LRCOL1: variants seen among roughly 807,000 people sequenced by gnomAD.
LRCOL1 encodes leucine-rich colipase-like protein 1.
LRCOL1 carries 21 observed loss-of-function variants against 21.6 expected under a neutral mutation model. That is an observed-to-expected ratio of 0.97 (90% CI 0.69 to 1.40). The LOEUF (loss-of-function observed/expected upper bound fraction) is 1.40. LRCOL1 is among the 40% of genes most tolerant of loss of function. The pLI is 0.00. For synonymous variants in LRCOL1, 98 were observed against 90.1 expected (o/e 1.09, Z -0.49); for missense variants, 198 against 202.3 (o/e 0.98, Z 0.13).
Position 132,603,198 on chromosome 12 carries a change from C to G in LRCOL1, c.*204G>C. On this transcript the variant is annotated 3_prime_UTR_variant, in exon 6 of 6. Transcript: ENST00000376608. ...TGATGTTTAACAATCAGGCTACACC[C>G]CAGTGCCTGGGATTTGTTCTCACAG... 1.4e-6 allele frequency: 1 copy of G among 690,206 alleles called. No individual in the cohort carries two copies. The highest frequency in any genetic ancestry group is 2.0e-5 in the South Asian group (1 of 49,828). 42.8% of individuals were successfully genotyped at this position (690,206 alleles called of 1,614,324 possible).
In LRCOL1 at chr12:132,604,696, C is replaced by A. The variant is rs926171953; in HGVS notation, c.231+10G>T. The A allele has an allele frequency of 1.3e-6, 2 of 1,535,114 alleles. No homozygotes were observed. The highest frequency in any genetic ancestry group is 2.7e-5 in the African/African-American group (2 of 73,168). On this transcript the variant is annotated intron_variant, in intron 3 of 5. Transcript: ENST00000376608. ...TCGCTCCTCCACCCCCGCCCCTGCA[C>A]GCACCTCACCTTCCTCCAGGGCAGG...
chr12:132,604,589 G>T lies in LRCOL1; in HGVS notation c.232-5C>A. On this transcript the variant is annotated splice_polypyrimidine_tract_variant and splice_region_variant and intron_variant, in intron 3 of 5. Transcript: ENST00000376608. ...CGAGCATCTGTACCCATTGGGCTAT[G>T]GGACAGGAGACGCGTCATCCCTGCA... The T allele has an allele frequency of 6.5e-7, 1 of 1,532,420 alleles. No individual in the cohort carries two copies. 94.9% of individuals were successfully genotyped at this position (1,532,420 alleles called of 1,614,324 possible).
Position 132,603,318 on chromosome 12 carries a change from C to T in LRCOL1, c.*84G>A, listed in dbSNP as rs1422086196. Reference sequence around the variant, plus strand: ...GCACAAACCGTAAGGGAAGCTTCCGCTGGAACCAGCCCCCGCGCAACGCGG... The same window carrying T: ...GCACAAACCGTAAGGGAAGCTTCCGTTGGAACCAGCCCCCGCGCAACGCGG... On this transcript the variant is annotated 3_prime_UTR_variant, in exon 6 of 6. Transcript: ENST00000376608. The T allele has an allele frequency of 6.6e-7, 1 of 1,523,378 alleles. No individual in the cohort carries two copies. The highest frequency in any genetic ancestry group is 1.4e-5 in the African/African-American group (1 of 72,708). The allele number at this position is 1,523,378 out of a possible 1,614,324, so 94.4% of individuals were successfully genotyped here.
At chr12:132,608,439 CT>C (rs1330808072) in intron 1 of LRCOL1, among the ~76,000 whole-genome samples, 2 of 152,248 alleles carry the variant, frequency 1.3e-5, no homozygotes, top group African/African-American at 2.4e-5. Context: ...TTAGATGCCC[CT>C]GGCACCTGAT....
rs1382808730 is a variant in LRCOL1 at position 132,606,179 on chromosome 12, C to T, written c.73G>A (p.Gly25Arg). The change falls in exon 2 of 6, where the codon GGG becomes AGG. Residue 25 changes from glycine to arginine, a missense_variant. Transcript: ENST00000376608. This position sits in a 1 kb window ranked among gnomAD's most constrained non-coding sequence, Gnocchi z 4.6. ...GACAGGTTCAACTTCTTCTGTGGCC[C>T]ATACCCTGCCATGGACCCCAGCAGC... is the stretch of plus-strand genomic sequence containing the variant. Reference protein sequence around the residue: ...LLLLGSMAGYGPQKKLNLSHK... With the variant: ...LLLLGSMAGYRPQKKLNLSHK... 16 of 1,536,400 alleles carry T rather than the reference C, an allele frequency of 1.0e-5. No homozygotes were observed. Among genetic ancestry groups the T allele is most frequent in the Non-Finnish European group, 1.3e-5 (15 of 1,146,932 alleles).
chr12:132,604,717 G>A lies in LRCOL1; in HGVS notation c.220C>T (p.Pro74Ser). Reference protein sequence around the residue: ...TPKTIFLQCLPWRKPNGYRCS... With the variant: ...TPKTIFLQCLSWRKPNGYRCS... ...TGCACGCACCTCACCTTCCTCCAGG[G>A]CAGGCACTGCAGGAAGATGGTCTTA... Residue 74 changes from proline to serine, a missense_variant, in exon 3 of 6, where the codon CCC becomes TCC. Pro to Ser is a moderately conservative substitution (Grantham distance 74). Transcript: ENST00000376608. 6.5e-7 allele frequency: 1 copy of A among 1,536,164 alleles called. No individual in the cohort carries two copies. The highest frequency in any genetic ancestry group is 1.2e-5 in the South Asian group (1 of 84,060).
chr12:132,609,097 G>A (rs977766578), intron 1 of LRCOL1, among the ~76,000 whole-genome samples: 3 of 152,160 alleles, frequency 2.0e-5, no homozygotes, highest in Non-Finnish European at 2.9e-5. Context: ...ACAATGGGAC[G>A]TCAGTGGTCC....
At chr12:132,603,469 G>A (rs773571356) in intron 5 of LRCOL1, 65 bp from the exon 6 acceptor site, 3 of 1,535,848 alleles carry the variant, frequency 2.0e-6, no homozygotes, top group Non-Finnish European at 2.6e-6. Context: ...CGCGGAAGGA[G>A]GACGGGAACC....
chr12:132,603,997 G>A (rs2041264377), intron 5 of LRCOL1: 3 of 1,334,478 alleles, frequency 2.2e-6, no homozygotes, highest in Non-Finnish European at 2.9e-6. Flanking sequence ...CCGCGGCTCC[G>A]CAGGCTCTGA....
intron 1 of LRCOL1, among the ~76,000 whole-genome samples, chr12:132,607,147 G>A (rs560061801): frequency 1.4e-3 from 214 of 152,302 alleles, no homozygotes; most frequent in African/African-American, 4.9e-3. Context: ...CCCCATGCCC[G>A]GACGGCGCTG....
At chr12:132,607,241 C>T (rs1273685110) in intron 1 of LRCOL1, among the ~76,000 whole-genome samples, 3 of 152,142 alleles carry the variant, frequency 2.0e-5, no homozygotes, top group Non-Finnish European at 4.4e-5. Flanking sequence ...CAGGCGGAGA[C>T]GTCATTAGGA....
rs1056546306 is a variant in LRCOL1, at chr12:132,603,298, A to G, written c.*104T>C. On this transcript the variant is annotated 3_prime_UTR_variant, in exon 6 of 6. Transcript: ENST00000376608. ...TCAGAGCCCCAGAAACAGCAGCACA[A>G]ACCGTAAGGGAAGCTTCCGCTGGAA... 2.7e-6 allele frequency: 4 copies of G among 1,494,120 alleles called. No homozygotes were observed. Among genetic ancestry groups the G allele is most frequent in the African/African-American group, 1.4e-5 (1 of 72,132 alleles). 92.6% of individuals were successfully genotyped at this position (1,494,120 alleles called of 1,614,324 possible). A position where few individuals can be genotyped will look rare whatever the true frequency, so the allele number is the denominator to read the frequency against.
intron 2 of LRCOL1, chr12:132,605,119 AGCCCAGT>A (rs1270920112): frequency 8.3e-7 from 1 of 1,205,042 alleles, no homozygotes; most frequent in Non-Finnish European, 1.0e-6. Context: ...CTCTCAGGCC[AGCCCAGT>A]GCCTGGCATT....
At chr12:132,608,641 A>C (rs1160064127) in intron 1 of LRCOL1, among the ~76,000 whole-genome samples, 1 of 152,204 alleles carries the variant, frequency 6.6e-6, no homozygotes, top group Non-Finnish European at 1.5e-5. Context: ...ATCGCAGCTC[A>C]CTGCAGACTC....
At chr12:132,607,574 G>A (rs2041324069) in intron 1 of LRCOL1, among the ~76,000 whole-genome samples, 1 of 152,072 alleles carries the variant, frequency 6.6e-6, no homozygotes. Flanking sequence ...GGCTGGGCAG[G>A]GTCTCCCTGT....
intron 5 of LRCOL1, 97 bp downstream of exon 5, chr12:132,604,157 C>T: frequency 6.9e-7 from 1 of 1,456,210 alleles, no homozygotes; most frequent in Middle Eastern, 2.5e-4. Flanking sequence ...GCCCACCTCT[C>T]ACAGCCGCGG....
Position 132,604,236 on chromosome 12 carries a change from C to T in LRCOL1, c.477+18G>A. 6.6e-7 allele frequency: 1 copy of T among 1,520,554 alleles called. No homozygotes were observed. The highest frequency in any genetic ancestry group is 8.8e-7 in the Non-Finnish European group (1 of 1,139,212). 94.2% of individuals were successfully genotyped at this position (1,520,554 alleles called of 1,614,324 possible). A position where few individuals can be genotyped will look rare whatever the true frequency, so the allele number is the denominator to read the frequency against. On this transcript the variant is annotated intron_variant, in intron 5 of 5. Transcript: ENST00000376608. ...GCCAAGGGAGGGCCTGGAGGCTGAG[C>T]CCCCGCCCGGGACTTACCAGGGGCA...
At chr12:132,607,839 T>TCTGCCTC (rs2041330484) in intron 1 of LRCOL1, among the ~76,000 whole-genome samples, 1 of 121,564 alleles carries the variant, frequency 8.2e-6, no homozygotes, top group Non-Finnish European at 1.7e-5. Context: ...CTCTGTCTCT[T>TCTGCCTC]TCTGTCTCTG....
At chr12:132,607,996 T>C (rs1039741504) in intron 1 of LRCOL1, among the ~76,000 whole-genome samples, 3 of 132,296 alleles carry the variant, frequency 2.3e-5, no homozygotes, top group Non-Finnish European at 5.0e-5. Context: ...TCTGTCTCTC[T>C]CTGTCTCTGT....
Sources: allele counts gnomAD v4.1 joint callset (sites outside exome capture counted in the v4.1 genomes callset), GRCh38; gene constraint gnomAD v4.1.1; non-coding constraint Gnocchi (gnomAD v3.1); transcripts MANE v1.5; gene names NCBI Gene and HGNC (gene_info 2026-07-23, HGNC 2026-07-21).